Variants in IQCJ observed in about 807,000 individuals in gnomAD.
IQCJ encodes the protein IQ domain-containing protein J.
In IQCJ, 9 loss-of-function variants were observed where a neutral mutation model predicts 11.0. The ratio of observed to expected loss-of-function variants is 0.82; its 90% CI spans 0.49 to 1.43. The LOEUF (loss-of-function observed/expected upper bound fraction) is 1.43, where lower values mean the gene tolerates loss of function less well. IQCJ is among the 40% of genes most tolerant of loss of function. The pLI, the probability that IQCJ is intolerant of heterozygous loss-of-function variation, is 0.00. For synonymous variants in IQCJ, 55 were observed against 51.3 expected (o/e 1.07, Z -0.31); for missense variants, 146 against 133.2 (o/e 1.10, Z -0.47).
At position 159,112,590 on chromosome 3, in the gene IQCJ, C is replaced by T. The variant is rs181628102; in HGVS notation, c.9+43149C>T. Reference sequence around the variant, plus strand: ...AGCATGTTAACAGTAGCCTCCCTGTCTCTGATCCTGAGGCCATTAGTTCTC... The same window carrying T: ...AGCATGTTAACAGTAGCCTCCCTGTTTCTGATCCTGAGGCCATTAGTTCTC... On this transcript the variant is annotated intron_variant, in intron 1 of 3. Coordinates refer to ENST00000397832, the MANE Select transcript of IQCJ (RefSeq NM_001042706.3). Among the ~76,000 whole-genome samples the T allele has an allele frequency of 3.0e-3, 456 of 152,254 alleles. 1 individual carries two copies. Among genetic ancestry groups the T allele is most frequent in the African/African-American group, 0.011 (443 of 41,524 alleles).
At chr3:159,133,800 T>C (rs1371566845) in intron 1 of IQCJ, among the ~76,000 whole-genome samples, 1 of 152,096 alleles carries the variant, frequency 6.6e-6, no homozygotes, top group Non-Finnish European at 1.5e-5. Context: ...TAGAATGTAC[T>C]TATTATCTAT....
chr3:159,163,552 A>G (rs961367864), intron 1 of IQCJ, among the ~76,000 whole-genome samples: 1 of 152,140 alleles, frequency 6.6e-6, no homozygotes, highest in African/African-American at 2.4e-5. Flanking sequence ...TTTAGTAGAG[A>G]TGGGGTTTCA....
chr3:159,236,964 C>T (rs1726631296), intron 1 of IQCJ, among the ~76,000 whole-genome samples: 1 of 151,982 alleles, frequency 6.6e-6, no homozygotes, highest in Non-Finnish European at 1.5e-5. Flanking sequence ...AATAGTTGCC[C>T]TTAGGTTAAT....
At chr3:159,185,533 A>G (rs1201340273) in intron 1 of IQCJ, among the ~76,000 whole-genome samples, 4 of 152,190 alleles carry the variant, frequency 2.6e-5, no homozygotes, top group Admixed American at 1.3e-4. Context: ...TTAACAATTC[A>G]AAACAGAAAA....
chr3:159,194,948 T>A (rs1182433250), intron 1 of IQCJ, among the ~76,000 whole-genome samples: 4 of 152,012 alleles, frequency 2.6e-5, no homozygotes, highest in Non-Finnish European at 5.9e-5. Flanking sequence ...CCATCTCTTC[T>A]GAAAGTACAA....
chr3:159,171,121 C>T (rs564695412), intron 1 of IQCJ, among the ~76,000 whole-genome samples: 1 of 151,852 alleles, frequency 6.6e-6, no homozygotes, highest in African/African-American at 2.4e-5. Context: ...ACAAATATGG[C>T]CAGTGTTTAG....
chr3:159,073,849 G>A (rs1226451375), intron 1 of IQCJ, among the ~76,000 whole-genome samples: 1 of 152,130 alleles, frequency 6.6e-6, no homozygotes, highest in East Asian at 1.9e-4. Flanking sequence ...GAGGGCTGAA[G>A]CAATTTCAAT....
chr3:159,128,367 C>T (rs1481635949), intron 1 of IQCJ, among the ~76,000 whole-genome samples: 2 of 152,200 alleles, frequency 1.3e-5, no homozygotes, highest in African/African-American at 4.8e-5. Context: ...TAATTTCAGA[C>T]TGGCTATGTC....
intron 1 of IQCJ, among the ~76,000 whole-genome samples, chr3:159,076,484 C>T (rs925471781): frequency 3.3e-5 from 5 of 152,054 alleles, no homozygotes; most frequent in Admixed American, 2.6e-4. Flanking sequence ...TTATATGTCT[C>T]ATTCTGAAGT....
At chr3:159,175,666 C>G (rs1360772207) in intron 1 of IQCJ, among the ~76,000 whole-genome samples, 3 of 152,008 alleles carry the variant, frequency 2.0e-5, no homozygotes, top group East Asian at 1.9e-4. Flanking sequence ...TTTCGTATAT[C>G]AATAGTTTGT....
chr3:159,073,959 G>C (rs1199288140), intron 1 of IQCJ, among the ~76,000 whole-genome samples: 1 of 152,092 alleles, frequency 6.6e-6, no homozygotes, highest in African/African-American at 2.4e-5. Context: ...GTAGAGTTAA[G>C]ATTTCCCATA....
intron 1 of IQCJ, among the ~76,000 whole-genome samples, chr3:159,214,491 T>C (rs1413399504): frequency 1.3e-5 from 2 of 152,210 alleles, no homozygotes; most frequent in African/African-American, 2.4e-5. Flanking sequence ...TGGCTTGAAG[T>C]TTCTAATCAA....
intron 1 of IQCJ, among the ~76,000 whole-genome samples, chr3:159,138,101 C>G (rs1391098518): frequency 3.9e-5 from 6 of 152,290 alleles, no homozygotes; most frequent in Non-Finnish European, 1.5e-5. Context: ...CATAAAGGAA[C>G]AGAGGCTCTG....
intron 1 of IQCJ, among the ~76,000 whole-genome samples, chr3:159,112,915 T>C (rs9876582): frequency 0.72 from 110,067 of 152,090 alleles, 39,947 homozygotes; most frequent in African/African-American, 0.77. Context: ...GCCTCTGACA[T>C]GGTCAACTAG....
intron 1 of IQCJ, 32 bp from the exon 2 acceptor site, chr3:159,245,811 A>C: frequency 6.6e-7 from 1 of 1,515,596 alleles, no homozygotes; most frequent in Non-Finnish European, 8.9e-7. Context: ...AGCTGGTGAC[A>C]ATTTGTAAGA....
At chr3:159,168,132 A>C (rs1237055925) in intron 1 of IQCJ, among the ~76,000 whole-genome samples, 3 of 152,148 alleles carry the variant, frequency 2.0e-5, no homozygotes, top group Non-Finnish European at 4.4e-5. Flanking sequence ...ATGTGAGAAC[A>C]ACCAGTCCTG....
chr3:159,215,963 T>A (rs1725202816), intron 1 of IQCJ, among the ~76,000 whole-genome samples: 1 of 152,056 alleles, frequency 6.6e-6, no homozygotes. Context: ...TACATTATAT[T>A]AGGAAATGTC....
At chr3:159,114,789 C>T (rs1718861930) in intron 1 of IQCJ, among the ~76,000 whole-genome samples, 1 of 152,210 alleles carries the variant, frequency 6.6e-6, no homozygotes. Context: ...ACTGCCAAAA[C>T]AATACCCCCT....
chr3:159,265,607 G>T (rs1274122718), downstream of IQCJ: 2 of 465,516 alleles, frequency 4.3e-6, no homozygotes, highest in Non-Finnish European at 7.7e-6. Context: ...TCTTTTCCAG[G>T]TTGTTGAACC....
Sources: gnomAD v4.1 joint callset for allele counts (sites outside exome capture counted in the v4.1 genomes callset) on GRCh38, gnomAD v4.1.1 for gene constraint, MANE v1.5 for transcripts, NCBI Gene and HGNC (gene_info 2026-07-23, HGNC 2026-07-21) for gene names.